Variants in MET observed in about 807,000 individuals in gnomAD.
MET encodes the protein hepatocyte growth factor receptor.
A neutral mutation model predicts 133.1 loss-of-function variants in MET; 48 were observed. The ratio of observed to expected loss-of-function variants is 0.36; its 90% CI spans 0.29 to 0.46. The LOEUF (loss-of-function observed/expected upper bound fraction) is 0.46. Ranked by LOEUF, MET falls within the 20% of genes least tolerant of loss-of-function variation. The pLI is 1.00. For synonymous variants in MET, 628 were observed against 616.5 expected (o/e 1.02, Z -0.28); for missense variants, 1,442 against 1,695.9 (o/e 0.85, Z 2.63).
At chr7:116,778,417 A>G (rs894445685) in intron 16 of MET, among the ~76,000 whole-genome samples, 6 of 152,240 alleles carry the variant, frequency 3.9e-5, no homozygotes, top group Non-Finnish European at 7.3e-5. Context: ...TAAAATATAA[A>G]TCAACATGCT....
intron 1 of MET, among the ~76,000 whole-genome samples, chr7:116,676,177 G>A (rs567294559): frequency 6.6e-6 from 1 of 152,306 alleles, no homozygotes; most frequent in East Asian, 1.9e-4. Context: ...TTGCATAAAT[G>A]TGTGCAAGTA....
intron 14 of MET, 91 bp from the exon 15 acceptor site, chr7:116,774,790 A>G (rs2117028493): frequency 1.0e-6 from 1 of 955,056 alleles, no homozygotes; most frequent in Non-Finnish European, 1.7e-6. Context: ...ATTTTTATCA[A>G]ACTAATTCCA....
At chr7:116,709,649 T>G (rs2116650955) in intron 2 of MET, among the ~76,000 whole-genome samples, 1 of 152,264 alleles carries the variant, frequency 6.6e-6, no homozygotes, top group South Asian at 2.1e-4. Flanking sequence ...GAGAGGTCAC[T>G]GGCTTGCCCC....
chr7:116,764,022 A>T (rs577438837), intron 11 of MET, among the ~76,000 whole-genome samples: 1 of 152,218 alleles, frequency 6.6e-6, no homozygotes, highest in African/African-American at 2.4e-5. Flanking sequence ...TTGTTAAAAC[A>T]TTTAGAATTT....
intron 2 of MET, among the ~76,000 whole-genome samples, chr7:116,712,472 C>T (rs1183469757): frequency 1.3e-5 from 2 of 152,208 alleles, no homozygotes. Flanking sequence ...ACAATATATA[C>T]ATTTATCGGA....
intron 15 of MET, 89 bp downstream of exon 15, chr7:116,775,200 G>A (rs2117033184): frequency 8.4e-7 from 1 of 1,191,338 alleles, no homozygotes; most frequent in Non-Finnish European, 1.2e-6. Flanking sequence ...CTTAGACAAT[G>A]GTGAAAGCAA....
rs764947837 is a variant in MET at position 116,775,072 on chromosome 7, A to G, written c.3220A>G (p.Ser1074Gly). ...QAVQHVVIGP[S>G]SLIVHFNEVI... Reference sequence around the variant, plus strand: ...AGTGCAGCATGTAGTGATTGGGCCCAGTAGCCTGATTGTGCATTTCAATGA... The same window carrying G: ...AGTGCAGCATGTAGTGATTGGGCCCGGTAGCCTGATTGTGCATTTCAATGA... The change falls in exon 15 of 21, where the codon AGT (serine) becomes GGT (glycine). Residue 1074 changes from serine to glycine, a missense_variant. Ser to Gly is a moderately conservative substitution (Grantham distance 56). This residue lies in a region of MET where 514 missense variants were observed against 659.6 expected (regional missense o/e 0.78). Coordinates refer to ENST00000397752, the MANE Select transcript of MET (RefSeq NM_000245.4). 3 of 1,614,210 alleles carry G rather than the reference A, an allele frequency of 1.9e-6. No individual in the cohort carries two copies. Among genetic ancestry groups the G allele is most frequent in the Non-Finnish European group, 2.5e-6 (3 of 1,180,010 alleles).
intron 2 of MET, among the ~76,000 whole-genome samples, chr7:116,724,424 G>A (rs989190168): frequency 2.0e-5 from 3 of 152,302 alleles, no homozygotes; most frequent in African/African-American, 4.8e-5. Flanking sequence ...GAAATCACCC[G>A]TCTTCTGCGT....
chr7:116,747,895 ATG>A (rs1319584109), intron 5 of MET, among the ~76,000 whole-genome samples: 1 of 152,214 alleles, frequency 6.6e-6, no homozygotes, highest in Non-Finnish European at 1.5e-5. Context: ...TCCTCAGCAA[ATG>A]CAAACAAACA....
At chr7:116,750,008 A>C (rs1793853251) in intron 5 of MET, among the ~76,000 whole-genome samples, 2 of 152,256 alleles carry the variant, frequency 1.3e-5, no homozygotes, top group Non-Finnish European at 2.9e-5. Flanking sequence ...CATATTGCCC[A>C]AAGTAATTTA....
At chr7:116,771,444 G>A (rs2116990775) in intron 12 of MET, 54 bp from the exon 13 acceptor site, 1 of 1,609,320 alleles carries the variant, frequency 6.2e-7, no homozygotes. Context: ...AACCTGTGTA[G>A]TACAAATATC....
intron 1 of MET, among the ~76,000 whole-genome samples, chr7:116,673,975 T>C (rs1479405538): frequency 6.6e-6 from 1 of 152,204 alleles, no homozygotes; most frequent in Non-Finnish European, 1.5e-5. Context: ...ATAAGAAATT[T>C]TGGTAGTACA....
chr7:116,678,418 A>G (rs1031806731), intron 1 of MET, among the ~76,000 whole-genome samples: 1 of 133,362 alleles, frequency 7.5e-6, no homozygotes. Context: ...CTCAGGTCCA[A>G]TTTGAAAATG....
At chr7:116,747,164 CG>C (rs1292484159) in intron 5 of MET, among the ~76,000 whole-genome samples, 8 of 152,126 alleles carry the variant, frequency 5.3e-5, no homozygotes, top group African/African-American at 1.9e-4. Context: ...AAGGAAAAAC[CG>C]GTACCACCTA....
At chr7:116,717,346 T>A (rs1165567562) in intron 2 of MET, among the ~76,000 whole-genome samples, 1 of 152,162 alleles carries the variant, frequency 6.6e-6, no homozygotes, top group Non-Finnish European at 1.5e-5. Flanking sequence ...AATTGAAAGC[T>A]CTGTGCCTCC....
Position 116,755,341 on chromosome 7 carries a change from T to A in MET, c.1702-14T>A. The A allele has an allele frequency of 6.2e-7, 1 of 1,613,936 alleles. No homozygotes were observed. Among genetic ancestry groups the A allele is most frequent in the Non-Finnish European group, 8.5e-7 (1 of 1,179,864 alleles). On this transcript the variant is annotated splice_polypyrimidine_tract_variant and intron_variant, in intron 5 of 20. Transcript: ENST00000397752. Reference sequence around the variant, plus strand: ...ATATTGGGTTTTTTTAAAAGTTCTATGTTGTCCTTGTAGGTTTTCCCAAAT... The same window carrying A: ...ATATTGGGTTTTTTTAAAAGTTCTAAGTTGTCCTTGTAGGTTTTCCCAAAT...
Position 116,776,060 on chromosome 7 carries a change from C to T in MET, c.3259+949C>T, listed in dbSNP as rs117927707. 4.3e-3 allele frequency among the ~76,000 whole-genome samples: 657 copies of T among 151,850 alleles called. 3 individuals are homozygous for T. The highest frequency in any genetic ancestry group is 7.7e-3 in the Admixed American group (117 of 15,260). ...CAAAAACCGGGAAATGAACTTCATT[C>T]TTCTTGTTGTTTTTTTTTTTCTAAA... On this transcript the variant is annotated intron_variant, in intron 15 of 20. Transcript: ENST00000397752.
intron 2 of MET, among the ~76,000 whole-genome samples, chr7:116,708,520 C>T (rs1345302567): frequency 1.3e-5 from 2 of 152,102 alleles, no homozygotes; most frequent in East Asian, 1.9e-4. Context: ...AAAACATTTC[C>T]TGCCTTAAAA....
At chr7:116,785,121 C>A (rs965677344) in intron 19 of MET, among the ~76,000 whole-genome samples, 1 of 152,228 alleles carries the variant, frequency 6.6e-6, no homozygotes, top group Non-Finnish European at 1.5e-5. Context: ...CACGCTGATG[C>A]AAGGGATGGG....
Sources: gnomAD v4.1 joint callset for allele counts (sites outside exome capture counted in the v4.1 genomes callset) on GRCh38, gnomAD v4.1.1 for gene constraint, gnomAD v4.1.1 regional missense constraint, MANE v1.5 for transcripts, NCBI Gene and HGNC (gene_info 2026-07-23, HGNC 2026-07-21) for gene names.